Variants in DLG3 observed in about 807,000 individuals in gnomAD.
DLG3 encodes the protein discs large MAGUK scaffold protein 3.
DLG3 carries 1 observed loss-of-function variant against 64.1 expected under a neutral mutation model. The ratio of observed to expected loss-of-function variants is 0.02; its 90% CI spans 0.01 to 0.07. The LOEUF is 0.07. DLG3 is among the 10% of genes least tolerant of loss of function. The pLI, the probability that DLG3 is intolerant of heterozygous loss-of-function variation, is 1.00. For synonymous variants in DLG3, 245 were observed against 259.8 expected (o/e 0.94, Z 0.55); for missense variants, 429 against 669.5 (o/e 0.64, Z 3.96).
intron 9 of DLG3, among the ~76,000 whole-genome samples, chrX:70,460,591 G>A (rs906237264): frequency 1.8e-5 from 2 of 112,480 alleles, no homozygotes; most frequent in African/African-American, 6.5e-5. Context: ...AGTTGTATTT[G>A]TCATTCATTT....
At chrX:70,485,305 T>C (rs1347881968) in intron 10 of DLG3, among the ~76,000 whole-genome samples, 6 of 111,673 alleles carry the variant, frequency 5.4e-5, no homozygotes, top group African/African-American at 2.0e-4. Flanking sequence ...CGGTGTAATA[T>C]GAAACATTAA....
At position 70,502,472 on chromosome X, in the gene DLG3, G is replaced by A; in HGVS notation, c.*203G>A. The stretch of plus-strand genomic sequence containing the variant: ...TTTGTTTCAGTTTATTTTTTGGGAT[G>A]ATGCCATCTCATTCATCATGTGACT... On this transcript the variant is annotated 3_prime_UTR_variant, in exon 19 of 19. Transcript: ENST00000374360. 7.8e-6 allele frequency: 3 copies of A among 385,321 alleles called. No individual in the cohort carries two copies. In the South Asian group the frequency reaches 1.1e-4, roughly 14 times the overall value. 31.8% of individuals were successfully genotyped at this position (385,321 alleles called of 1,213,427 possible). A position where few individuals can be genotyped will look rare whatever the true frequency, so the allele number is the denominator to read the frequency against.
chrX:70,446,043 C>A (rs1015424591), intron 1 of DLG3, among the ~76,000 whole-genome samples: 1 of 110,504 alleles, frequency 9.0e-6, no homozygotes, highest in Non-Finnish European at 1.9e-5. Context: ...CCCATGTGCC[C>A]GGCTCGCTGA....
rs756442482 is a variant in DLG3 at position 70,453,829 on chromosome X, T to G, written c.1302+36T>G. 3 of 1,118,903 alleles carry G rather than the reference T, an allele frequency of 2.7e-6. No homozygotes were observed. The South Asian group carries it at 6.5e-5, about 24-fold the overall frequency. 92.2% of individuals were successfully genotyped at this position (1,118,903 alleles called of 1,213,427 possible). ...AAAGGAGAGGTGGGAGGATGGGAAC[T>G]GTGCCAGTCTAAAATGGAGAGCGAG... On this transcript the variant is annotated intron_variant, in intron 8 of 18. Transcript: ENST00000374360.
chrX:70,502,067 G>T (rs2087574111), intron 18 of DLG3, 96 bp from the exon 19 acceptor site: 4 of 654,559 alleles, frequency 6.1e-6, no homozygotes, highest in Admixed American at 2.6e-5. Flanking sequence ...GGGGGTGGAG[G>T]GGGGACTTGT....
At chrX:70,465,044 C>T (rs2086865054) in intron 9 of DLG3, among the ~76,000 whole-genome samples, 1 of 112,000 alleles carries the variant, frequency 8.9e-6, no homozygotes, top group Admixed American at 9.5e-5. Context: ...CCTAAGTAGA[C>T]GTCCTTTGGA....
At chrX:70,491,991 T>C (rs1158949583) in intron 10 of DLG3, 116 bp from the exon 11 acceptor site, 2 of 745,906 alleles carry the variant, frequency 2.7e-6, no homozygotes, top group Non-Finnish European at 4.1e-6. Context: ...ATCCTTCTAG[T>C]ATACTGTGAG....
At chrX:70,462,952 T>C (rs1258496574) in intron 9 of DLG3, among the ~76,000 whole-genome samples, 5 of 111,153 alleles carry the variant, frequency 4.5e-5, no homozygotes, top group Non-Finnish European at 7.5e-5. Flanking sequence ...TTTTCTTTAT[T>C]CTATGTAACC....
At position 70,504,123 on chromosome X, in the gene DLG3, TG is replaced by T. The variant is rs1221714179; in HGVS notation, c.*1857del. On this transcript the variant is annotated 3_prime_UTR_variant, in exon 19 of 19. Coordinates refer to ENST00000374360, the MANE Select transcript of DLG3 (RefSeq NM_021120.4). ...ATAAGGAAAGGACAGCGGCTTTCCCTGGGCAGTACAATGGCTTGAAGGCAAA... is the reference window on the plus strand; with the variant it reads ...ATAAGGAAAGGACAGCGGCTTTCCCTGGCAGTACAATGGCTTGAAGGCAAA... 1 of 111,886 alleles carries T rather than the reference TG, an allele frequency of 8.9e-6. No homozygotes were observed. Among genetic ancestry groups the T allele is most frequent in the Non-Finnish European group, 1.9e-5 (1 of 53,139 alleles). 9.2% of individuals were successfully genotyped at this position (111,886 alleles called of 1,213,427 possible).
At chrX:70,457,235 C>T (rs184883352) in intron 9 of DLG3, among the ~76,000 whole-genome samples, 25 of 111,402 alleles carry the variant, frequency 2.2e-4, no homozygotes, top group African/African-American at 7.9e-4. Flanking sequence ...GACCTAACAC[C>T]TAGTTAAAAG....
chrX:70,497,055 G>A, intron 13 of DLG3: 1 of 658,543 alleles, frequency 1.5e-6, no homozygotes. Context: ...GGATGTGGCA[G>A]GCCTCTGGTG....
Position 70,465,143 on chromosome X carries a change from G to A in DLG3, c.1405+10827G>A, listed in dbSNP as rs376889909. 3.1e-3 allele frequency among the ~76,000 whole-genome samples: 348 copies of A among 111,938 alleles called. 1 individual carries two copies. The highest frequency in any genetic ancestry group is 0.011 in the African/African-American group (331 of 30,854). On this transcript the variant is annotated intron_variant, in intron 9 of 18. Coordinates refer to ENST00000374360, the MANE Select transcript of DLG3 (RefSeq NM_021120.4). Reference sequence around the variant, plus strand: ...TTGTAAATATTCAGAAAAAGAAGTGGTGAGCACTAGGAACTGGTATTGGTT... The same window carrying A: ...TTGTAAATATTCAGAAAAAGAAGTGATGAGCACTAGGAACTGGTATTGGTT...
In DLG3 at chrX:70,479,262, C is replaced by T. The variant is rs758631454; in HGVS notation, c.1518C>T (p.Val506=). ...LRTSEKRSLY[V]RALFDYDRTR... is the part of the protein sequence containing the mutation. Reference sequence around the variant, plus strand: ...CAAGTGAAAAGAGGTCCTTGTATGTCAGGTAAGTTGCCCTTCAGAGCACTA... The same window carrying T: ...CAAGTGAAAAGAGGTCCTTGTATGTTAGGTAAGTTGCCCTTCAGAGCACTA... The change falls in exon 10 of 19, where the codon GTC becomes GTT. Residue 506 remains valine (V), a splice_region_variant and synonymous_variant. Transcript: ENST00000374360. The T allele has an allele frequency of 8.4e-7, 1 of 1,192,671 alleles. No homozygotes were observed. The highest frequency in any genetic ancestry group is 2.2e-5 in the Admixed American group (1 of 46,060).
At chrX:70,450,506 C>T in intron 5 of DLG3, 133 bp from the exon 6 acceptor site, 1 of 951,790 alleles carries the variant, frequency 1.1e-6, no homozygotes, top group Non-Finnish European at 1.5e-6. Context: ...TACCTCCTGC[C>T]TCTGCTCCTC....
At chrX:70,459,922 T>A (rs1324385187) in intron 9 of DLG3, among the ~76,000 whole-genome samples, 1 of 110,936 alleles carries the variant, frequency 9.0e-6, no homozygotes, top group Admixed American at 9.7e-5. Context: ...CCCAGAGACA[T>A]CTGGCTACAG....
At chrX:70,482,479 A>G (rs2087171396) in intron 10 of DLG3, among the ~76,000 whole-genome samples, 1 of 110,975 alleles carries the variant, frequency 9.0e-6, no homozygotes, top group South Asian at 3.8e-4. Flanking sequence ...GACTCCAGTT[A>G]GATAGCTAAG....
intron 9 of DLG3, among the ~76,000 whole-genome samples, chrX:70,478,716 C>G (rs933000327): frequency 9.0e-6 from 1 of 111,580 alleles, no homozygotes; most frequent in African/African-American, 3.3e-5. Context: ...CCAGCCCCTC[C>G]GCTCTGCGTC....
At chrX:70,456,773 A>C (rs1362302590) in intron 9 of DLG3, among the ~76,000 whole-genome samples, 1 of 110,570 alleles carries the variant, frequency 9.0e-6, no homozygotes, top group South Asian at 3.9e-4. Context: ...TCCCCTTTTG[A>C]AAACAGATCC....
chrX:70,500,374 C>G lies in DLG3; in HGVS notation c.2146-97C>G, dbSNP rs1408042619. 9.5e-6 allele frequency: 7 copies of G among 737,166 alleles called. No homozygotes were observed. In the African/African-American group the frequency reaches 1.3e-4, roughly 13 times the overall value. 60.8% of individuals were successfully genotyped at this position (737,166 alleles called of 1,213,427 possible). On this transcript the variant is annotated intron_variant, in intron 16 of 18. Transcript: ENST00000374360. ...CCTCGTGCCCCTCCCCTCACCCCCA[C>G]CCCCGGCCAAGGTGGATGTTTAGAA...
Sources: allele counts gnomAD v4.1 joint callset (sites outside exome capture counted in the v4.1 genomes callset), GRCh38; gene constraint gnomAD v4.1.1; transcripts MANE v1.5; gene names NCBI Gene and HGNC (gene_info 2026-07-23, HGNC 2026-07-21).